The following COQ2 variants were observed in gnomAD, a reference collection of about 807,000 sequenced individuals.
COQ2 encodes the protein 4-hydroxybenzoate polyprenyltransferase, mitochondrial.
A neutral mutation model predicts 35.7 loss-of-function variants in COQ2; 25 were observed. The observed-to-expected ratio is 0.70, with a 90% confidence interval of 0.51 to 0.98. The LOEUF is 0.98. Ranked by LOEUF, COQ2 falls within the 50% of genes least tolerant of loss-of-function variation. The probability of loss-of-function intolerance (pLI) is 0.00; values close to 1 mark genes in which losing one functional copy is unlikely to be tolerated. For synonymous variants in COQ2, 206 were observed against 186.2 expected (o/e 1.11, Z -0.86); for missense variants, 488 against 473.5 (o/e 1.03, Z -0.28).
chr4:83,281,961 G>GTT (rs796667190), intron 1 of COQ2, among the ~76,000 whole-genome samples: 23 of 142,318 alleles, frequency 1.6e-4, no homozygotes, highest in African/African-American at 4.9e-4. Context: ...TCCTAGCAAT[G>GTT]TTTTTTTTTT....
At position 83,273,602 on chromosome 4, in the gene COQ2, T is replaced by G; in HGVS notation, c.436A>C (p.Asn146His). The G allele has an allele frequency of 6.2e-7, 1 of 1,613,486 alleles. No individual in the cohort carries two copies. Among genetic ancestry groups the G allele is most frequent in the Non-Finnish European group, 8.5e-7 (1 of 1,179,692 alleles). The change falls in exon 3 of 7, where the codon AAT (asparagine) becomes CAT (histidine). Residue 146 changes from asparagine to histidine, a missense_variant. Coordinates refer to ENST00000647002, the MANE Select transcript of COQ2 (RefSeq NM_001358921.2). ...DYDKKVTRTA[N>H]RPIAAGDIST... ...ATGTCTCCAGCGGCTATTGGACGAT[T>G]GGCTGTTCTTGTAACCTTAAAACAT...
chr4:83,279,001 G>T lies in COQ2; in HGVS notation c.367C>A (p.Arg123Ser). The T allele has an allele frequency of 6.2e-7, 1 of 1,608,454 alleles. No homozygotes were observed. The highest frequency in any genetic ancestry group is 8.5e-7 in the Non-Finnish European group (1 of 1,177,452). Residue 123 changes from arginine to serine, a missense_variant, in exon 2 of 7, where the codon CGT (arginine) becomes AGT (serine). By Grantham distance (110) the Arg-to-Ser change is moderately radical. Coordinates refer to ENST00000647002, the MANE Select transcript of COQ2 (RefSeq NM_001358921.2). ...TCATTAATAGTACAGCCTGCTCCAC[G>T]CATCAGAATAGCTCCAGTGCCAAAG... ...SLFGTGAILM[R>S]GAGCTINDMW...
At chr4:83,266,059 A>G (rs974994900) in intron 6 of COQ2, among the ~76,000 whole-genome samples, 1 of 152,206 alleles carries the variant, frequency 6.6e-6, no homozygotes, top group African/African-American at 2.4e-5. Context: ...TATACCCATT[A>G]TCCAGACCAG....
chr4:83,272,027 C>A lies in COQ2; in HGVS notation c.628+60G>T. ...TTCATCTTTACCTATTTACCTATCT[C>A]TCCATAAAAGTGTAGTTTGCAAATA... On this transcript the variant is annotated intron_variant, in intron 4 of 6. Coordinates refer to ENST00000647002, the MANE Select transcript of COQ2 (RefSeq NM_001358921.2). 3 of 1,085,536 alleles carry A rather than the reference C, an allele frequency of 2.8e-6. No individual in the cohort carries two copies. The South Asian group carries it at 4.4e-5, about 16-fold the overall frequency. 67.2% of individuals were successfully genotyped at this position (1,085,536 alleles called of 1,614,324 possible). A position where few individuals can be genotyped will look rare whatever the true frequency, so the allele number is the denominator to read the frequency against.
At chr4:83,267,944 T>C (rs1021679832) in intron 5 of COQ2, among the ~76,000 whole-genome samples, 170 bp from the exon 6 acceptor site, 3 of 152,186 alleles carry the variant, frequency 2.0e-5, no homozygotes, top group African/African-American at 7.2e-5. Context: ...CATGCAGATA[T>C]ACCATAAGCG....
At chr4:83,283,229 C>A in intron 1 of COQ2, 3 of 977,726 alleles carry the variant, frequency 3.1e-6, no homozygotes, top group Non-Finnish European at 3.6e-6. Flanking sequence ...GGGTCTTGTA[C>A]GGGCAAAAGT....
chr4:83,284,891 CCTTA>C (rs1577994454), upstream of COQ2: 2 of 1,522,666 alleles, frequency 1.3e-6, no homozygotes, highest in Non-Finnish European at 1.8e-6. Flanking sequence ...CTTTCCTCAT[CCTTA>C]CTTGTGAAAT....
At chr4:83,268,822 T>C (rs1734981843) in intron 5 of COQ2, among the ~76,000 whole-genome samples, 1 of 152,124 alleles carries the variant, frequency 6.6e-6, no homozygotes, top group Non-Finnish European at 1.5e-5. Context: ...GAAAACAGAA[T>C]GAAATCCAGA....
Position 83,276,889 on chromosome 4 carries a change from C to A in COQ2, c.420+2059G>T, listed in dbSNP as rs186765915. Among the ~76,000 whole-genome samples, 566 of 152,224 alleles carry A rather than the reference C, an allele frequency of 3.7e-3. 8 individuals carry two copies. The highest frequency in any genetic ancestry group is 0.013 in the African/African-American group (546 of 41,524). ...AAGAATAAAATCACATCATTTGCAG[C>A]AACATGGATGGAACTGGAGGCTATT... On this transcript the variant is annotated intron_variant, in intron 2 of 6. Transcript: ENST00000647002.
chr4:83,269,825 A>G lies in COQ2; in HGVS notation c.762+35T>C, dbSNP rs79637582. The G allele has an allele frequency of 4.1e-3, 6,108 of 1,494,012 alleles. 241 individuals carry two copies. In the African/African-American group the frequency reaches 0.079, roughly 19 times the overall value. 92.5% of individuals were successfully genotyped at this position (1,494,012 alleles called of 1,614,324 possible). A position where few individuals can be genotyped will look rare whatever the true frequency, so the allele number is the denominator to read the frequency against. ...ATTTGGTTCTTTAAAAACAGCAACA[A>G]CTAAACCAAAGTTAAGAAAAGATAA... On this transcript the variant is annotated intron_variant, in intron 5 of 6. Coordinates refer to ENST00000647002, the MANE Select transcript of COQ2 (RefSeq NM_001358921.2).
At chr4:83,284,006 G>T in intron 1 of COQ2, 1 of 985,450 alleles carries the variant, frequency 1.0e-6, no homozygotes, top group African/African-American at 1.7e-5. Flanking sequence ...AAAACACAGA[G>T]TTCTTCTGGT....
chr4:83,284,134 C>A (rs779342146), intron 1 of COQ2: 3 of 985,334 alleles, frequency 3.0e-6, no homozygotes, highest in Non-Finnish European at 3.6e-6. Context: ...AGGAGGGCCA[C>A]GAGAACGGAA....
chr4:83,277,974 AC>A (rs1174309211), intron 2 of COQ2, among the ~76,000 whole-genome samples: 11 of 176 alleles, frequency 0.062, no homozygotes, highest in Non-Finnish European at 0.048. Context: ...CCATCTCAAA[AC>A]ACACACACAC....
intron 3 of COQ2, among the ~76,000 whole-genome samples, chr4:83,272,855 C>T (rs1366097029): frequency 6.6e-6 from 1 of 152,134 alleles, no homozygotes; most frequent in Non-Finnish European, 1.5e-5. Context: ...CTAACACTAC[C>T]CCTTCCAGAA....
intron 3 of COQ2, among the ~76,000 whole-genome samples, chr4:83,272,529 G>C (rs1186494079): frequency 2.6e-5 from 4 of 151,996 alleles, no homozygotes; most frequent in Non-Finnish European, 4.4e-5. Flanking sequence ...TTGCAGATGG[G>C]AAAACTGAAG....
rs144913206 is a variant in COQ2 at position 83,273,614 on chromosome 4, T to C, written c.424A>G (p.Thr142Ala). The C allele has an allele frequency of 9.4e-4, 1,512 of 1,613,186 alleles. 7 individuals carry two copies. In the African/African-American group the frequency reaches 0.018, roughly 19 times the overall value. ...MWDQDYDKKVTRTANRPIAAG... is the reference protein window; with the variant it reads ...MWDQDYDKKVARTANRPIAAG... ...GCTATTGGACGATTGGCTGTTCTTG[T>C]AACCTTAAAACATAAAAACAGATAC... Residue 142 changes from threonine (T) to alanine (A), a missense_variant, in exon 3 of 7, where the codon ACA becomes GCA. Physicochemically the swap from Thr to Ala is moderately conservative, Grantham distance 58. Coordinates refer to ENST00000647002, the MANE Select transcript of COQ2 (RefSeq NM_001358921.2).
intron 1 of COQ2, chr4:83,283,145 A>G (rs1735365728): frequency 3.0e-6 from 1 of 331,250 alleles, no homozygotes; most frequent in Admixed American, 6.5e-5. Flanking sequence ...TTGATAGCTG[A>G]TTGTTATAAC....
At chr4:83,273,749 C>T in intron 2 of COQ2, 132 bp from the exon 3 acceptor site, 1 of 874,586 alleles carries the variant, frequency 1.1e-6, no homozygotes, top group Non-Finnish European at 1.8e-6. Context: ...TAAGTACTGT[C>T]AGAAATCAAA....
chr4:83,284,116 A>G (rs1194732018), intron 1 of COQ2: 2 of 985,322 alleles, frequency 2.0e-6, no homozygotes, highest in East Asian at 1.1e-4. Context: ...AAACATTCTA[A>G]TAAATGAAGG....
Sources: gnomAD v4.1 joint callset for allele counts (sites outside exome capture counted in the v4.1 genomes callset) on GRCh38, gnomAD v4.1.1 for gene constraint, MANE v1.5 for transcripts, NCBI Gene and HGNC (gene_info 2026-07-23, HGNC 2026-07-21) for gene names.